The following ACSS1 variants were observed in gnomAD, a reference collection of about 807,000 sequenced individuals.
The protein encoded by ACSS1 is acetyl-coenzyme A synthetase 2-like, mitochondrial.
ACSS1 carries 42 observed loss-of-function variants against 75.3 expected under a neutral mutation model. The ratio of observed to expected loss-of-function variants is 0.56; its 90% confidence interval spans 0.44 to 0.72. ACSS1 has a LOEUF of 0.72. ACSS1 is among the 30% of genes least tolerant of loss of function. ACSS1 has a pLI of 0.00. For synonymous variants in ACSS1, 380 were observed against 376.8 expected (o/e 1.01, Z -0.10); for missense variants, 782 against 935.7 (o/e 0.84, Z 2.14).
intron 2 of ACSS1, among the ~76,000 whole-genome samples, chr20:25,033,941 T>C (rs78696201): frequency 6.6e-6 from 1 of 152,292 alleles, no homozygotes; most frequent in East Asian, 1.9e-4. Flanking sequence ...CAGGTTTCCC[T>C]GGAAGACTGA....
rs964470923 is a variant in ACSS1 at position 25,023,569 on chromosome 20, A to G, written c.704T>C (p.Val235Ala). The G allele has an allele frequency of 2.5e-6, 4 of 1,614,006 alleles. No homozygotes were observed. The highest frequency in any genetic ancestry group is 3.4e-6 in the Non-Finnish European group (4 of 1,179,958). Residue 235 changes from valine to alanine, a missense_variant, in exon 4 of 14, where the codon GTG becomes GCG. Physicochemically the swap from Val to Ala is moderately conservative, Grantham distance 64. Coordinates refer to ENST00000323482, the MANE Select transcript of ACSS1 (RefSeq NM_032501.4). ...GGGGCAGTGCTTCACAGCCTCATCC[A>G]CTATTTTCTTCAGCTCCACCACGCG... is the stretch of plus-strand genomic sequence containing the variant. ...GGRVVELKKI[V>A]DEAVKHCPTV...
intron 2 of ACSS1, 132 bp downstream of exon 2, chr20:25,047,953 G>T: frequency 1.5e-6 from 1 of 669,860 alleles, no homozygotes; most frequent in Non-Finnish European, 2.5e-6. Context: ...TACTTTTCCT[G>T]GATAAGAGAG....
intron 7 of ACSS1, 25 bp from the exon 8 acceptor site, chr20:25,015,255 ATGT>A: frequency 1.3e-6 from 2 of 1,558,912 alleles, no homozygotes; most frequent in South Asian, 2.3e-5. Flanking sequence ...AAAGAAAAAG[ATGT>A]TAACAGGCTG....
At chr20:25,054,674 A>C (rs6050282) in intron 1 of ACSS1, among the ~76,000 whole-genome samples, 138,610 of 152,282 alleles carry the variant, frequency 0.91, 63,299 homozygotes, top group East Asian at 1. Context: ...TGTCCCAAAC[A>C]AGGCTCCAGA....
chr20:25,015,236 A>G lies in ACSS1; in HGVS notation c.1247-6T>C. The stretch of plus-strand genomic sequence containing the variant: ...ACAGTTGATGGGCTCTCCCACTGAA[A>G]CCACACAGAAAGAAAAAGATGTTAA... On this transcript the variant is annotated splice_polypyrimidine_tract_variant and splice_region_variant and intron_variant, in intron 7 of 13. Coordinates refer to ENST00000323482, the MANE Select transcript of ACSS1 (RefSeq NM_032501.4). 2 of 1,597,750 alleles carry G rather than the reference A, an allele frequency of 1.3e-6. No homozygotes were observed. Among genetic ancestry groups the G allele is most frequent in the Non-Finnish European group, 8.5e-7 (1 of 1,169,710 alleles).
chr20:25,012,131 C>G (rs1335668046), intron 12 of ACSS1: 1 of 174,780 alleles, frequency 5.7e-6, no homozygotes, highest in Non-Finnish European at 1.2e-5. Context: ...TCAGATTCGT[C>G]CAAAGAGTCC....
chr20:25,043,527 A>C (rs946933768), intron 2 of ACSS1, among the ~76,000 whole-genome samples: 2 of 152,226 alleles, frequency 1.3e-5, no homozygotes, highest in Non-Finnish European at 2.9e-5. Context: ...CCAGCACAGC[A>C]CACCCAGGGA....
chr20:25,046,996 G>A, intron 2 of ACSS1: 1 of 758,650 alleles, frequency 1.3e-6, no homozygotes, highest in South Asian at 1.4e-5. Flanking sequence ...TGGGGGCCGA[G>A]GGGAGGAACG....
chr20:25,025,389 A>G (rs1005346163), intron 3 of ACSS1, among the ~76,000 whole-genome samples: 4 of 152,220 alleles, frequency 2.6e-5, no homozygotes, highest in African/African-American at 9.6e-5. Flanking sequence ...CAGGAACCAC[A>G]TGCCACTCTG....
chr20:25,031,658 T>A (rs1378405471), intron 2 of ACSS1, among the ~76,000 whole-genome samples: 1 of 152,154 alleles, frequency 6.6e-6, no homozygotes, highest in Non-Finnish European at 1.5e-5. Flanking sequence ...ATAAACTATC[T>A]CTTTTCACTG....
chr20:25,032,215 G>A (rs1467500343), intron 2 of ACSS1, among the ~76,000 whole-genome samples: 2 of 152,070 alleles, frequency 1.3e-5, no homozygotes, highest in Non-Finnish European at 2.9e-5. Context: ...GCCACTCTGG[G>A]GCCTATCACC....
intron 1 of ACSS1, among the ~76,000 whole-genome samples, chr20:25,054,525 G>A (rs1221211163): frequency 1.3e-5 from 2 of 152,234 alleles, no homozygotes; most frequent in African/African-American, 4.8e-5. Context: ...CCTTCCCCAG[G>A]TCGGAAGATG....
chr20:25,049,366 T>C (rs954078552), intron 1 of ACSS1, among the ~76,000 whole-genome samples: 4 of 152,028 alleles, frequency 2.6e-5, no homozygotes, highest in African/African-American at 9.7e-5. Context: ...TTGCTGGGTG[T>C]TGGGGAGTCT....
Position 25,015,050 on chromosome 20 carries a change from G to A in ACSS1, c.1339+88C>T. On this transcript the variant is annotated intron_variant, in intron 8 of 13. Coordinates refer to ENST00000323482, the MANE Select transcript of ACSS1 (RefSeq NM_032501.4). Reference sequence around the variant, plus strand: ...TGAAGCGTCTTCTATCGCACCTGCTGTTGAGAGCTTGGACCCCAGTCCCAG... The same window carrying A: ...TGAAGCGTCTTCTATCGCACCTGCTATTGAGAGCTTGGACCCCAGTCCCAG... 7 of 1,202,640 alleles carry A rather than the reference G, an allele frequency of 5.8e-6. 1 individual carries two copies. Among genetic ancestry groups the A allele is most frequent in the Non-Finnish European group, 8.2e-6 (7 of 854,336 alleles). 74.5% of individuals were successfully genotyped at this position (1,202,640 alleles called of 1,614,324 possible). A position where few individuals can be genotyped will look rare whatever the true frequency, so the allele number is the denominator to read the frequency against.
chr20:25,056,593 C>T (rs1214073678), intron 1 of ACSS1, among the ~76,000 whole-genome samples: 3 of 152,212 alleles, frequency 2.0e-5, no homozygotes, highest in African/African-American at 7.2e-5. Context: ...GTCTGCTGCA[C>T]ACCTTGCAGC....
rs192459947 is a variant in ACSS1 at position 25,028,693 on chromosome 20, G to A, written c.631+2066C>T. 1.6e-3 allele frequency among the ~76,000 whole-genome samples: 249 copies of A among 152,280 alleles called. 1 individual carries two copies. Among genetic ancestry groups the A allele is most frequent in the African/African-American group, 5.6e-3 (231 of 41,560 alleles). On this transcript the variant is annotated intron_variant, in intron 3 of 13. Transcript: ENST00000323482. ...AACATACGAACAGGGAGGCCGAGGC[G>A]GGCGGATCACGAGGTCAAGAGATCG...
intron 2 of ACSS1, among the ~76,000 whole-genome samples, chr20:25,039,716 G>T (rs1393483366): frequency 2.6e-5 from 4 of 152,254 alleles, no homozygotes; most frequent in African/African-American, 9.6e-5. Flanking sequence ...GATGCAGTCA[G>T]CTTCTAAGAA....
intron 1 of ACSS1, among the ~76,000 whole-genome samples, chr20:25,055,580 C>T (rs1449262961): frequency 2.0e-5 from 3 of 152,186 alleles, no homozygotes; most frequent in African/African-American, 4.8e-5. Flanking sequence ...CTGAAGGGCT[C>T]GTTATAAACA....
intron 3 of ACSS1, among the ~76,000 whole-genome samples, chr20:25,025,483 C>A (rs991217113): frequency 1.3e-5 from 2 of 152,214 alleles, no homozygotes; most frequent in African/African-American, 4.8e-5. Flanking sequence ...CAAATGACCA[C>A]AAACTTAGTG....
Sources: allele counts gnomAD v4.1 joint callset (sites outside exome capture counted in the v4.1 genomes callset), GRCh38; gene constraint gnomAD v4.1.1; transcripts MANE v1.5; gene names NCBI Gene and HGNC (gene_info 2026-07-23, HGNC 2026-07-21).